The following OS9 variants were observed in gnomAD, a reference collection of about 807,000 sequenced individuals.
OS9 encodes OS9 endoplasmic reticulum lectin.
Under a neutral mutation model 84.7 loss-of-function variants are expected in OS9, and 58 were observed. The observed-to-expected ratio is 0.68, with a 90% CI of 0.55 to 0.85. OS9 has a LOEUF of 0.85. Ranked by LOEUF, OS9 falls within the 40% of genes least tolerant of loss-of-function variation. The pLI, the probability that OS9 is intolerant of heterozygous loss-of-function variation, is 0.00. For synonymous variants in OS9, 278 were observed against 320.8 expected (o/e 0.87, Z 1.43); for missense variants, 760 against 850.9 (o/e 0.89, Z 1.33).
At chr12:57,696,518 G>A (rs12426511) in intron 5 of OS9, 145 bp downstream of exon 5, 99,586 of 511,060 alleles carry the variant, frequency 0.19, 17,941 homozygotes, top group East Asian at 0.57. Flanking sequence ...ATTTCCAGCC[G>A]GGCGCAGTGG....
At chr12:57,716,279 T>TGGGA in intron 7 of OS9, 86 bp downstream of exon 7, 1 of 508,620 alleles carries the variant, frequency 2.0e-6, no homozygotes, top group South Asian at 2.0e-5. Context: ...ACTGGTGGGG[T>TGGGA]GGGGGGGGGT....
At chr12:57,711,174 C>A (rs1484247712) in intron 5 of OS9, among the ~76,000 whole-genome samples, 1 of 151,750 alleles carries the variant, frequency 6.6e-6, no homozygotes, top group Non-Finnish European at 1.5e-5. Context: ...TGCATGTATC[C>A]TTCCAGCCTT....
At chr12:57,707,795 A>G (rs1290362800) in intron 5 of OS9, among the ~76,000 whole-genome samples, 1 of 151,640 alleles carries the variant, frequency 6.6e-6, no homozygotes, top group African/African-American at 2.4e-5. Context: ...TTTTTTTAAC[A>G]TTAAAAAATT....
intron 2 of OS9, 42 bp from the exon 3 acceptor site, chr12:57,695,738 T>C: frequency 7.7e-7 from 1 of 1,298,592 alleles, no homozygotes; most frequent in Non-Finnish European, 1.1e-6. Context: ...AGAAAAGATG[T>C]CTGCACTCCA....
chr12:57,720,606 C>T, intron 14 of OS9, 88 bp downstream of exon 14: 1 of 1,285,756 alleles, frequency 7.8e-7, no homozygotes, highest in Non-Finnish European at 1.1e-6. Flanking sequence ...TGCTGAGCTT[C>T]CATTTCCTGA....
chr12:57,698,577 G>A (rs1776194860), intron 5 of OS9, among the ~76,000 whole-genome samples: 1 of 152,206 alleles, frequency 6.6e-6, no homozygotes, highest in South Asian at 2.1e-4. Context: ...GGGTGAAAAG[G>A]AGGCCTCTTG....
intron 5 of OS9, among the ~76,000 whole-genome samples, chr12:57,700,557 T>C (rs1953991416): frequency 6.6e-6 from 1 of 152,196 alleles, no homozygotes; most frequent in Non-Finnish European, 1.5e-5. Flanking sequence ...TGTGATGTGT[T>C]GCTGGCCTGA....
Position 57,719,076 on chromosome 12 carries a change from C to T in OS9, c.1494C>T (p.Asn498=), listed in dbSNP as rs755163689. The change falls in exon 12 of 15, where the codon AAC becomes AAT. Residue 498 remains asparagine, a synonymous_variant. Coordinates refer to ENST00000315970, the MANE Select transcript of OS9 (RefSeq NM_006812.4). ...TGCTGGCTCTCACATCCACTCTCAA[C>T]AAACTCATCAAAAGACTGGAGGAAA... ...RAMLALTSTL[N]KLIKRLEEKQ... is the part of the protein sequence containing the mutation. 140 of 1,613,904 alleles carry T rather than the reference C, an allele frequency of 8.7e-5. 1 individual carries two copies. The Admixed American group carries it at 2.3e-3, about 27-fold the overall frequency.
At chr12:57,696,226 C>G (rs1179778556) in intron 4 of OS9, 49 bp from the exon 5 acceptor site, 2 of 1,465,518 alleles carry the variant, frequency 1.4e-6, no homozygotes, top group South Asian at 2.3e-5. Context: ...CATCCTTCCT[C>G]TTTGCTATCT....
At position 57,696,280 on chromosome 12, in the gene OS9, C is replaced by T. The variant is rs747170333; in HGVS notation, c.486C>T (p.Ser162=). ...FDWDDETAKA[S]KQHRLKRYHS... is the part of the protein sequence containing the mutation. Reference sequence around the variant, plus strand: ...CTGCCTCATGTCTTCTCCAGGCCTCCAAGCAGCATCGTCTTAAACGCTACC... The same window carrying T: ...CTGCCTCATGTCTTCTCCAGGCCTCTAAGCAGCATCGTCTTAAACGCTACC... Residue 162 remains serine (S), a synonymous_variant, in exon 5 of 15, where the codon TCC becomes TCT. Transcript: ENST00000315970. 1.2e-5 allele frequency: 19 copies of T among 1,610,134 alleles called. No homozygotes were observed. The African/African-American group carries it at 2.5e-4, about 22-fold the overall frequency.
At chr12:57,697,913 ACACACACACATACACACACACACAC>A (rs1953903551) in intron 5 of OS9, among the ~76,000 whole-genome samples, 55 of 124,536 alleles carry the variant, frequency 4.4e-4, no homozygotes, top group Middle Eastern at 4.3e-3. Flanking sequence ...AAGCAAACAC[ACACACACACATACACACACACACAC>A]ACACACACAC....
At chr12:57,695,381 G>T (rs1013978167) in intron 2 of OS9, 37 of 406,026 alleles carry the variant, frequency 9.1e-5, no homozygotes, top group Non-Finnish European at 1.4e-4. Context: ...CTTGTTCACA[G>T]TTGTATTCCC....
Position 57,720,833 on chromosome 12 carries a change from T to G in OS9, c.1928T>G (p.Leu643Arg). Residue 643 changes from leucine (L) to arginine (R), a missense_variant, in exon 15 of 15, where the codon CTG (leucine) becomes CGG (arginine). Leu to Arg is a moderately radical substitution (Grantham distance 102). Coordinates refer to ENST00000315970, the MANE Select transcript of OS9 (RefSeq NM_006812.4). The stretch of plus-strand genomic sequence containing the variant: ...AAGGAACGCCAGCGGCAGAAAGAGC[T>G]GGAGAGCAATTACCGCCGGGTGTGG... The part of the protein sequence containing the change: ...AQKERQRQKE[L>R]ESNYRRVWGS... The G allele has an allele frequency of 6.2e-7, 1 of 1,613,966 alleles. No individual in the cohort carries two copies. Among genetic ancestry groups the G allele is most frequent in the Non-Finnish European group, 8.5e-7 (1 of 1,179,898 alleles).
intron 10 of OS9, 44 bp from the exon 11 acceptor site, chr12:57,718,102 G>T: frequency 6.3e-7 from 1 of 1,594,180 alleles, no homozygotes; most frequent in East Asian, 2.2e-5. Context: ...ATGTGTCTCT[G>T]TTGAAACCCC....
chr12:57,718,004 C>T lies in OS9; in HGVS notation c.1134+46C>T, dbSNP rs371412095. ...ATGGGTAGAACCCACCTCCCAACTG[C>T]GAGCATTTGAAAAACTACCCTGACC... On this transcript the variant is annotated intron_variant, in intron 10 of 14. Transcript: ENST00000315970. The T allele has an allele frequency of 5.7e-4, 886 of 1,555,860 alleles. 3 individuals carry two copies. The highest frequency in any genetic ancestry group is 1.0e-3 in the Middle Eastern group (6 of 5,886).
intron 5 of OS9, among the ~76,000 whole-genome samples, chr12:57,711,984 G>A (rs1164323213): frequency 1.3e-5 from 2 of 152,082 alleles, no homozygotes; most frequent in Admixed American, 6.5e-5. Flanking sequence ...GCAAGTTATG[G>A]ATATTTAAAG....
intron 5 of OS9, among the ~76,000 whole-genome samples, chr12:57,711,817 A>C (rs1407744222): frequency 6.6e-6 from 1 of 152,222 alleles, no homozygotes; most frequent in African/African-American, 2.4e-5. Flanking sequence ...GGCTGGGCAC[A>C]GTGGCTAATG....
At chr12:57,716,065 G>A in intron 6 of OS9, 27 bp from the exon 7 acceptor site, 9 of 1,602,098 alleles carry the variant, frequency 5.6e-6, no homozygotes, top group Non-Finnish European at 7.7e-6. Flanking sequence ...TGTGTTCCTG[G>A]CCTGCTTGCA....
chr12:57,706,101 C>T (rs1954158128), intron 5 of OS9, among the ~76,000 whole-genome samples: 1 of 152,060 alleles, frequency 6.6e-6, no homozygotes, highest in African/African-American at 2.4e-5. Flanking sequence ...AGGGGATGCT[C>T]CTGAAGTTTC....
Sources: allele counts gnomAD v4.1 joint callset (sites outside exome capture counted in the v4.1 genomes callset), GRCh38; gene constraint gnomAD v4.1.1; transcripts MANE v1.5; gene names NCBI Gene and HGNC (gene_info 2026-07-23, HGNC 2026-07-21).